Variants in YWHAQ observed in about 807,000 individuals in gnomAD.
The protein encoded by YWHAQ is tyrosine 3-monooxygenase/tryptophan 5-monooxygenase activation protein theta, also known as 14-3-3 protein theta.
Under a neutral mutation model 28.3 loss-of-function variants are expected in YWHAQ, and 6 were observed. The observed-to-expected ratio is 0.21, with a 90% CI of 0.12 to 0.42. YWHAQ has a LOEUF of 0.42. YWHAQ is among the 10% of genes least tolerant of loss of function. YWHAQ has a pLI of 1.00. For missense variants in YWHAQ, 201 were observed against 305.6 expected (o/e 0.66, Z 2.55); for synonymous variants, 143 against 119.1 (o/e 1.20, Z -1.31).
intron 2 of YWHAQ, among the ~76,000 whole-genome samples, chr2:9,617,413 C>A (rs907705457): frequency 1.3e-5 from 2 of 151,986 alleles, no homozygotes; most frequent in Admixed American, 6.6e-5. Flanking sequence ...ATATGAGGTA[C>A]CTAGAGTAGT....
intron 2 of YWHAQ, among the ~76,000 whole-genome samples, chr2:9,624,484 G>C (rs2125074433): frequency 6.6e-6 from 1 of 152,180 alleles, no homozygotes; most frequent in East Asian, 1.9e-4. Flanking sequence ...TTTATTTATG[G>C]ACTAATCCAA....
rs756561669 is a variant in YWHAQ, at chr2:9,630,340, T to G, written c.113A>C (p.Asn38Thr). 2.5e-6 allele frequency: 4 copies of G among 1,614,116 alleles called. No homozygotes were observed. In the South Asian group the frequency reaches 4.4e-5, roughly 18 times the overall value. The change falls in exon 2 of 6, where the codon AAC (asparagine) becomes ACC (threonine). Residue 38 changes from asparagine to threonine, a missense_variant. By Grantham distance (65) the Asn-to-Thr change is moderately conservative. Around this residue, in one of 2 missense-constraint regions of YWHAQ, gnomAD observed 162 missense variants for 213.9 expected, o/e 0.76. Transcript: ENST00000238081. The surrounding 1 kb of genome is among the most constrained non-coding windows in gnomAD (Gnocchi z 5.6). ...AVTEQGAELS[N>T]EERNLLSVAY... ...CACGGAGAGCAGGTTGCGCTCCTCGTTGGACAGCTCGGCGCCCTGCTCGGT... is the reference window on the plus strand; with the variant it reads ...CACGGAGAGCAGGTTGCGCTCCTCGGTGGACAGCTCGGCGCCCTGCTCGGT...
At chr2:9,589,578 C>T (rs1253926340) in intron 3 of YWHAQ, among the ~76,000 whole-genome samples, 2 of 151,776 alleles carry the variant, frequency 1.3e-5, no homozygotes, top group African/African-American at 4.9e-5. Flanking sequence ...AGCAAAACTC[C>T]ATTCAAAATT....
Position 9,630,492 on chromosome 2 carries a change from A to G in YWHAQ, c.-40T>C, listed in dbSNP as rs766499891. 5 of 1,488,100 alleles carry G rather than the reference A, an allele frequency of 3.4e-6. No homozygotes were observed. The highest frequency in any genetic ancestry group is 4.5e-6 in the Non-Finnish European group (5 of 1,109,552). 92.2% of individuals were successfully genotyped at this position (1,488,100 alleles called of 1,614,324 possible). Reference sequence around the variant, plus strand: ...CGGGGCCGGGGCGGAGGGCGAGGAGAGCGAGGGCGAGCGCCGACCCGCAGC... The same window carrying G: ...CGGGGCCGGGGCGGAGGGCGAGGAGGGCGAGGGCGAGCGCCGACCCGCAGC... On this transcript the variant is annotated 5_prime_UTR_variant, in exon 2 of 6. Transcript: ENST00000238081. This position sits in a 1 kb window ranked among gnomAD's most constrained non-coding sequence, Gnocchi z 5.6.
At chr2:9,599,615 G>A (rs1245596807) in intron 2 of YWHAQ, among the ~76,000 whole-genome samples, 1 of 152,106 alleles carries the variant, frequency 6.6e-6, no homozygotes, top group African/African-American at 2.4e-5. Flanking sequence ...CTGGATGACG[G>A]CATCTGTTTA....
At chr2:9,602,841 AAAAAAAAAAAAAAAAAAAAAAATATATAT>A (rs1374183975) in intron 2 of YWHAQ, among the ~76,000 whole-genome samples, 41 of 24,440 alleles carry the variant, frequency 1.7e-3, no homozygotes, top group Middle Eastern at 0.018. Context: ...AAAAAAAAAA[AAAAAAAAAAAAAAAAAAAAAAATATATAT>A]ATATATATAT....
At position 9,585,169 on chromosome 2, in the gene YWHAQ, C is replaced by G; in HGVS notation, c.*117G>C. ...AGCTGCAGTGTGAAAAGACTATAAA[C>G]AGTTGATTCCATACACATGAATGGG... On this transcript the variant is annotated 3_prime_UTR_variant, in exon 6 of 6. Coordinates refer to ENST00000238081, the MANE Select transcript of YWHAQ (RefSeq NM_006826.4). 8.9e-7 allele frequency: 1 copy of G among 1,122,374 alleles called. No individual in the cohort carries two copies. Among genetic ancestry groups the G allele is most frequent in the Non-Finnish European group, 1.3e-6 (1 of 759,034 alleles). The allele number at this position is 1,122,374 out of a possible 1,614,324, so 69.5% of individuals were successfully genotyped here.
intron 2 of YWHAQ, among the ~76,000 whole-genome samples, chr2:9,627,717 A>AC (rs1667275066): frequency 6.9e-6 from 1 of 145,772 alleles, no homozygotes; most frequent in South Asian, 2.2e-4. Flanking sequence ...AAATGAAGAA[A>AC]CCCCCCTTAC....
chr2:9,594,771 G>A lies in YWHAQ; in HGVS notation c.295-3256C>T, dbSNP rs547068953. 3.3e-5 allele frequency among the ~76,000 whole-genome samples: 5 copies of A among 152,276 alleles called. No homozygotes were observed. In the East Asian group the frequency reaches 9.7e-4, roughly 29 times the overall value. Reference sequence around the variant, plus strand: ...AACTGTGGTAGATTTGTAAGAGCAGGGGCTGAGAAAAGTCTGACTAGAACA... The same window carrying A: ...AACTGTGGTAGATTTGTAAGAGCAGAGGCTGAGAAAAGTCTGACTAGAACA... On this transcript the variant is annotated intron_variant, in intron 2 of 5. Transcript: ENST00000238081.
At chr2:9,603,710 G>A (rs1245057343) in intron 2 of YWHAQ, among the ~76,000 whole-genome samples, 2 of 151,816 alleles carry the variant, frequency 1.3e-5, no homozygotes, top group South Asian at 2.1e-4. Flanking sequence ...GATCATTCGC[G>A]GTCAGGAGTT....
intron 2 of YWHAQ, among the ~76,000 whole-genome samples, chr2:9,618,844 A>G (rs1667086964): frequency 6.6e-6 from 1 of 152,112 alleles, no homozygotes; most frequent in Non-Finnish European, 1.5e-5. Context: ...AAAACAACAA[A>G]CAAAAATAAC....
At position 9,584,711 on chromosome 2, in the gene YWHAQ, A is replaced by G. The variant is rs1321238872; in HGVS notation, c.*575T>C. The G allele has an allele frequency of 6.6e-6, 1 of 152,662 alleles. No homozygotes were observed. The highest frequency in any genetic ancestry group is 1.5e-5 in the Non-Finnish European group (1 of 68,110). 9.5% of individuals were successfully genotyped at this position (152,662 alleles called of 1,614,324 possible). On this transcript the variant is annotated 3_prime_UTR_variant, in exon 6 of 6. Coordinates refer to ENST00000238081, the MANE Select transcript of YWHAQ (RefSeq NM_006826.4). ...GGAAACTCCCTGTTGCCACAGATAC[A>G]CAAGACCTCCGTATGTGATACAGGA...
chr2:9,618,009 A>G (rs1004987076), intron 2 of YWHAQ, among the ~76,000 whole-genome samples: 2 of 152,204 alleles, frequency 1.3e-5, no homozygotes, highest in African/African-American at 4.8e-5. Context: ...GCCAGACACA[A>G]AACACTACAT....
At chr2:9,610,011 G>A (rs148748397) in intron 2 of YWHAQ, among the ~76,000 whole-genome samples, 9 of 152,252 alleles carry the variant, frequency 5.9e-5, no homozygotes, top group Admixed American at 1.3e-4. Context: ...CGTGTTTCCC[G>A]CATCTCTTTC....
intron 5 of YWHAQ, among the ~76,000 whole-genome samples, chr2:9,585,904 T>A (rs1666334065): frequency 1.7e-5 from 2 of 115,136 alleles, no homozygotes. Context: ...CAGGGTGAGA[T>A]CCTTTCTCAA....
intron 2 of YWHAQ, among the ~76,000 whole-genome samples, chr2:9,600,979 T>A (rs987053039): frequency 3.3e-5 from 5 of 152,206 alleles, no homozygotes; most frequent in African/African-American, 1.2e-4. Context: ...CAGACTACAG[T>A]ATAGTGTAAG....
intron 3 of YWHAQ, among the ~76,000 whole-genome samples, chr2:9,591,020 T>C (rs1666445295): frequency 6.6e-6 from 1 of 152,254 alleles, no homozygotes; most frequent in African/African-American, 2.4e-5. Context: ...TCCAGTGATC[T>C]GAAGTTTTAA....
chr2:9,590,250 G>C (rs1368106549), intron 3 of YWHAQ, among the ~76,000 whole-genome samples: 1 of 152,170 alleles, frequency 6.6e-6, no homozygotes, highest in Non-Finnish European at 1.5e-5. Context: ...TAAATGTACA[G>C]TTCCGTGCCC....
At chr2:9,616,003 C>T (rs988566295) in intron 2 of YWHAQ, among the ~76,000 whole-genome samples, 1 of 152,016 alleles carries the variant, frequency 6.6e-6, no homozygotes, top group Admixed American at 6.5e-5. Flanking sequence ...AACTATAGAA[C>T]GTAATAGTAC....
Sources: allele counts gnomAD v4.1 joint callset (sites outside exome capture counted in the v4.1 genomes callset), GRCh38; gene constraint gnomAD v4.1.1; regional missense constraint gnomAD v4.1.1; non-coding constraint Gnocchi (gnomAD v3.1); transcripts MANE v1.5; gene names NCBI Gene and HGNC (gene_info 2026-07-23, HGNC 2026-07-21).